The following NAALADL2 variants were observed in gnomAD, a reference collection of about 807,000 sequenced individuals.
The protein encoded by NAALADL2 is N-acetylated alpha-linked acidic dipeptidase like 2, also known as inactive N-acetylated-alpha-linked acidic dipeptidase-like protein 2.
In NAALADL2, 76 loss-of-function variants were observed where a neutral mutation model predicts 87.2. The observed-to-expected ratio is 0.87, with a 90% CI of 0.72 to 1.05. NAALADL2 has a LOEUF of 1.05. Ranked by LOEUF, NAALADL2 falls within the 50% of genes least tolerant of loss-of-function variation. The pLI is 0.00. For missense variants in NAALADL2, 1,089 were observed against 945.8 expected (o/e 1.15, Z -1.99); for synonymous variants, 354 against 331.0 (o/e 1.07, Z -0.75).
chr3:175,775,631 T>C (rs1306300733), intron 13 of NAALADL2, among the ~76,000 whole-genome samples: 1 of 152,152 alleles, frequency 6.6e-6, no homozygotes, highest in Non-Finnish European at 1.5e-5. Context: ...TTCCTTAGCA[T>C]TCTTTTGCCA....
chr3:175,729,808 T>G (rs568556434), intron 11 of NAALADL2, among the ~76,000 whole-genome samples: 11 of 87,438 alleles, frequency 1.3e-4, no homozygotes, highest in African/African-American at 5.0e-4. Context: ...GACATCCCAG[T>G]TTTTTTTTCC....
chr3:174,536,325 A>G (rs1310819234), intron 1 of NAALADL2, among the ~76,000 whole-genome samples: 1 of 152,172 alleles, frequency 6.6e-6, no homozygotes, highest in Non-Finnish European at 1.5e-5. Flanking sequence ...TTAGTTTTTC[A>G]TAGAGATAAC....
chr3:175,361,495 T>C (rs1765004843), intron 5 of NAALADL2, among the ~76,000 whole-genome samples: 1 of 148,058 alleles, frequency 6.8e-6, no homozygotes, highest in Non-Finnish European at 1.5e-5. Flanking sequence ...AGTGTAAAAG[T>C]GTTCCTATTT....
intron 3 of NAALADL2, among the ~76,000 whole-genome samples, chr3:174,832,792 A>G (rs961010914): frequency 2.0e-5 from 3 of 152,152 alleles, no homozygotes; most frequent in Non-Finnish European, 4.4e-5. Flanking sequence ...TAAAGAAAGA[A>G]TTGAAGCTTA....
Position 175,759,876 on chromosome 3 carries a change from C to G in NAALADL2, c.2189+4458C>G, listed in dbSNP as rs115648501. Among the ~76,000 whole-genome samples the G allele has an allele frequency of 8.0e-3, 1,212 of 152,108 alleles. 9 individuals are homozygous for G. Among genetic ancestry groups the G allele is most frequent in the Non-Finnish European group, 0.014 (921 of 67,988 alleles). ...GGTAGGTAAGATCAAGTTGTGGAGT[C>G]CCTTAAATGCTCTGTTGAGAGGTTT... is the stretch of plus-strand genomic sequence containing the variant. On this transcript the variant is annotated intron_variant, in intron 13 of 13. Coordinates refer to ENST00000454872, the MANE Select transcript of NAALADL2 (RefSeq NM_207015.3).
Position 175,024,713 on chromosome 3 carries a change from A to T in NAALADL2, c.44-72077A>T, listed in dbSNP as rs547064722. Among the ~76,000 whole-genome samples, 50 of 146,476 alleles carry T rather than the reference A, an allele frequency of 3.4e-4. No homozygotes were observed. In the South Asian group the frequency reaches 8.5e-3, roughly 25 times the overall value. On this transcript the variant is annotated intron_variant, in intron 1 of 13. Transcript: ENST00000454872. ...ATCAGAGTGAAAAAGAGCAGTAATT[A>T]TCTTATTTTTTTTCAGTTTTACTTT...
chr3:175,661,506 C>G (rs966468206), intron 11 of NAALADL2, among the ~76,000 whole-genome samples: 3 of 151,838 alleles, frequency 2.0e-5, no homozygotes, highest in African/African-American at 7.2e-5. Flanking sequence ...AGCTTTTTAG[C>G]TTAATGTAAT....
intron 4 of NAALADL2, among the ~76,000 whole-genome samples, chr3:175,306,876 C>T (rs1457135041): frequency 5.3e-5 from 8 of 152,060 alleles, no homozygotes; most frequent in African/African-American, 1.7e-4. Flanking sequence ...ATCATTACTC[C>T]TTAATCCAAG....
chr3:174,896,604 C>T (rs1195473846), intron 1 of NAALADL2, among the ~76,000 whole-genome samples: 2 of 152,166 alleles, frequency 1.3e-5, no homozygotes, highest in East Asian at 3.9e-4. Context: ...AAGCACTTTA[C>T]AGATTCAATG....
At chr3:175,039,629 T>C (rs973786085) in intron 1 of NAALADL2, among the ~76,000 whole-genome samples, 1 of 152,118 alleles carries the variant, frequency 6.6e-6, no homozygotes, top group Non-Finnish European at 1.5e-5. Context: ...TTCTTTGTGC[T>C]GGAGTACTTT....
chr3:174,585,640 G>A (rs766513126), intron 2 of NAALADL2, among the ~76,000 whole-genome samples: 49 of 150,952 alleles, frequency 3.2e-4, no homozygotes, highest in Non-Finnish European at 6.4e-4. Flanking sequence ...GCTCATTGTG[G>A]AATCAAAAGA....
intron 1 of NAALADL2, among the ~76,000 whole-genome samples, chr3:174,964,776 G>A (rs371129422): frequency 6.6e-6 from 1 of 151,656 alleles, no homozygotes; most frequent in African/African-American, 2.4e-5. Context: ...TTTTAATAAC[G>A]TAGCACCTCT....
chr3:175,045,155 C>A (rs1408129044), intron 1 of NAALADL2, among the ~76,000 whole-genome samples: 1 of 151,874 alleles, frequency 6.6e-6, no homozygotes, highest in African/African-American at 2.4e-5. Context: ...TTCATAAAGG[C>A]CTTTAGGATT....
At chr3:175,672,425 C>T (rs1734125504) in intron 11 of NAALADL2, among the ~76,000 whole-genome samples, 1 of 152,070 alleles carries the variant, frequency 6.6e-6, no homozygotes, top group Non-Finnish European at 1.5e-5. Flanking sequence ...CTGTTAGTGC[C>T]GTTACGTGAA....
At chr3:174,906,644 A>C (rs1241015484) in intron 1 of NAALADL2, among the ~76,000 whole-genome samples, 1 of 152,110 alleles carries the variant, frequency 6.6e-6, no homozygotes, top group East Asian at 1.9e-4. Context: ...TTAGAAGCAG[A>C]ATCAAACTCA....
At chr3:175,374,844 A>G (rs1302194185) in intron 5 of NAALADL2, among the ~76,000 whole-genome samples, 1 of 151,680 alleles carries the variant, frequency 6.6e-6, no homozygotes, top group Non-Finnish European at 1.5e-5. Flanking sequence ...ACTGCACTCC[A>G]GCCTGGGTGA....
rs557143923 is a variant in NAALADL2, at chr3:175,041,031, T to G, written c.44-55759T>G. Among the ~76,000 whole-genome samples, 101 of 152,272 alleles carry G rather than the reference T, an allele frequency of 6.6e-4. 1 individual carries two copies. The highest frequency in any genetic ancestry group is 2.1e-3 in the African/African-American group (89 of 41,570). Reference sequence around the variant, plus strand: ...TGTCAGCTTGAAAAGTTGCTTTTTATTCGTGCCATAACCTTATTTTGTGCA... The same window carrying G: ...TGTCAGCTTGAAAAGTTGCTTTTTAGTCGTGCCATAACCTTATTTTGTGCA... On this transcript the variant is annotated intron_variant, in intron 1 of 13. Coordinates refer to ENST00000454872, the MANE Select transcript of NAALADL2 (RefSeq NM_207015.3).
intron 1 of NAALADL2, among the ~76,000 whole-genome samples, chr3:174,872,281 G>C (rs1025097786): frequency 2.6e-5 from 4 of 152,150 alleles, no homozygotes; most frequent in Non-Finnish European, 5.9e-5. Context: ...CCATATTTAA[G>C]AGTCACGTCC....
At chr3:174,765,155 A>AT (rs1263539350) in intron 3 of NAALADL2, among the ~76,000 whole-genome samples, 3 of 151,304 alleles carry the variant, frequency 2.0e-5, no homozygotes, top group Admixed American at 1.3e-4. Flanking sequence ...AGAGAGAGAG[A>AT]GAGAGAGAGA....
Sources: allele counts gnomAD v4.1 joint callset (sites outside exome capture counted in the v4.1 genomes callset), GRCh38; gene constraint gnomAD v4.1.1; transcripts MANE v1.5; gene names NCBI Gene and HGNC (gene_info 2026-07-23, HGNC 2026-07-21).